OPCML: variants seen among roughly 807,000 people sequenced by gnomAD.
OPCML encodes the protein opioid binding protein/cell adhesion molecule like.
A neutral mutation model predicts 37.8 loss-of-function variants in OPCML; 13 were observed. The observed-to-expected ratio is 0.34, with a 90% CI of 0.22 to 0.55. The LOEUF is 0.55. Ranked by LOEUF, OPCML falls within the 20% of genes least tolerant of loss-of-function variation. The probability of loss-of-function intolerance (pLI) is 0.91; values close to 1 mark genes in which losing one functional copy is unlikely to be tolerated. For missense variants in OPCML, 341 were observed against 435.6 expected (o/e 0.78, Z 1.93); for synonymous variants, 176 against 168.8 (o/e 1.04, Z -0.33).
rs1251119333 is a variant in OPCML, at chr11:133,112,302, AAAAAAAAAG to A, written c.62-169301_62-169293del. ...CTCTTGGCCAAAAAAAAAAAAAAAAAAAAAAAAAGGGGAAAGAAACAAAATATCTCATAT... is the reference window on the plus strand; with the variant it reads ...CTCTTGGCCAAAAAAAAAAAAAAAAAGGGAAAGAAACAAAATATCTCATAT... On this transcript the variant is annotated intron_variant, in intron 1 of 7. Coordinates refer to ENST00000524381, the MANE Select transcript of OPCML (RefSeq NM_001012393.5). 1.2e-3 allele frequency among the ~76,000 whole-genome samples: 173 copies of A among 144,264 alleles called. 1 individual carries two copies. Among genetic ancestry groups the A allele is most frequent in the African/African-American group, 4.1e-3 (151 of 37,198 alleles). 94.6% of individuals were successfully genotyped at this position (144,264 alleles called of 152,430 possible).
At chr11:132,439,928 C>T (rs1353813445) in intron 4 of OPCML, among the ~76,000 whole-genome samples, 2 of 152,164 alleles carry the variant, frequency 1.3e-5, no homozygotes, top group Non-Finnish European at 2.9e-5. Flanking sequence ...CCAGATCATG[C>T]TGCTTGGTGG....
In OPCML at chr11:133,212,434, G is replaced by A. The variant is rs1939401020; in HGVS notation, c.62-269424C>T. Reference sequence around the variant, plus strand: ...TTCGTATGCCCTGCTTCCACTTCCTGGAAAGCTCTTTCCCCATGCCTGGTC... The same window carrying A: ...TTCGTATGCCCTGCTTCCACTTCCTAGAAAGCTCTTTCCCCATGCCTGGTC... On this transcript the variant is annotated intron_variant, in intron 1 of 7. Transcript: ENST00000524381. The surrounding 1 kb of genome is among the most constrained non-coding windows in gnomAD (Gnocchi z 4.9). Among the ~76,000 whole-genome samples, 1 of 151,980 alleles carries A rather than the reference G, an allele frequency of 6.6e-6. No individual in the cohort carries two copies. Among genetic ancestry groups the A allele is most frequent in the African/African-American group, 2.4e-5 (1 of 41,366 alleles).
intron 3 of OPCML, among the ~76,000 whole-genome samples, chr11:132,555,132 T>C (rs574982204): frequency 6.6e-6 from 1 of 152,224 alleles, no homozygotes; most frequent in South Asian, 2.1e-4. Flanking sequence ...AAATCATGTC[T>C]GATAAGTCTG....
intron 4 of OPCML, among the ~76,000 whole-genome samples, chr11:132,496,933 A>G (rs554641388): frequency 6.6e-6 from 1 of 152,306 alleles, no homozygotes; most frequent in East Asian, 1.9e-4. Context: ...ATGAGCAGGT[A>G]CCTTATATGC....
intron 2 of OPCML, among the ~76,000 whole-genome samples, chr11:132,705,553 C>T (rs926071700): frequency 1.3e-5 from 2 of 152,028 alleles, no homozygotes; most frequent in Non-Finnish European, 2.9e-5. Context: ...AGATTTGCCA[C>T]TGCACACCAG....
chr11:133,258,325 A>T (rs183157713), intron 1 of OPCML, among the ~76,000 whole-genome samples: 4 of 152,302 alleles, frequency 2.6e-5, no homozygotes, highest in African/African-American at 4.8e-5. Context: ...TGAACATATT[A>T]TCTTGGTAGG....
intron 1 of OPCML, among the ~76,000 whole-genome samples, chr11:133,165,233 C>T (rs768489240): frequency 2.6e-5 from 4 of 152,264 alleles, no homozygotes; most frequent in East Asian, 1.9e-4. Context: ...TCTCTCCAGT[C>T]GCACTGGGAC....
chr11:133,367,283 C>G (rs1021334029), intron 1 of OPCML, among the ~76,000 whole-genome samples: 25 of 152,292 alleles, frequency 1.6e-4, no homozygotes, highest in African/African-American at 5.8e-4. Flanking sequence ...AGCCGGAATG[C>G]AGGAGTCAGG....
intron 2 of OPCML, among the ~76,000 whole-genome samples, chr11:132,687,006 A>G (rs1440115273): frequency 3.1e-5 from 4 of 129,706 alleles, no homozygotes; most frequent in South Asian, 2.9e-4. Flanking sequence ...GCCCCCTGAG[A>G]TATTTCTAGC....
intron 3 of OPCML, among the ~76,000 whole-genome samples, chr11:132,639,299 G>A (rs151114096): frequency 9.9e-5 from 15 of 152,240 alleles, no homozygotes; most frequent in South Asian, 2.1e-4. Context: ...AGAAAGTTCC[G>A]GCAGCTTGCC....
chr11:132,927,090 G>A (rs1228689285), intron 2 of OPCML, among the ~76,000 whole-genome samples: 1 of 152,028 alleles, frequency 6.6e-6, no homozygotes, highest in East Asian at 1.9e-4. Context: ...TGCATTATGA[G>A]AGTTCCGGGA....
chr11:132,647,577 A>G (rs528251848), intron 3 of OPCML, among the ~76,000 whole-genome samples: 18 of 152,186 alleles, frequency 1.2e-4, no homozygotes, highest in Non-Finnish European at 2.6e-4. Context: ...AGAAAATGAG[A>G]CTAAGTAAAT....
At chr11:132,732,471 C>G (rs1945946) in intron 2 of OPCML, among the ~76,000 whole-genome samples, 102,254 of 152,018 alleles carry the variant, frequency 0.67, 34,922 homozygotes, top group African/African-American at 0.76. Context: ...GTTCCTGCTT[C>G]AGATATTTCC....
chr11:133,446,921 T>C (rs1946485587), intron 1 of OPCML, among the ~76,000 whole-genome samples: 1 of 152,230 alleles, frequency 6.6e-6, no homozygotes, highest in Admixed American at 6.5e-5. Flanking sequence ...TACATTTTCT[T>C]TATTCATTCA....
chr11:133,501,529 G>A (rs909560012), intron 1 of OPCML, among the ~76,000 whole-genome samples: 3 of 152,144 alleles, frequency 2.0e-5, no homozygotes, highest in Non-Finnish European at 4.4e-5. Flanking sequence ...TTTGTTATAT[G>A]AGAAAAAGAA....
chr11:132,665,430 A>G (rs1942176425), intron 2 of OPCML, among the ~76,000 whole-genome samples: 1 of 152,210 alleles, frequency 6.6e-6, no homozygotes, highest in Middle Eastern at 3.2e-3. Flanking sequence ...AAGTGAGGCA[A>G]CTGTGCTGAC....
In OPCML at chr11:132,580,059, C is replaced by T. The variant is rs74662608; in HGVS notation, c.380-50873G>A. 5.8e-3 allele frequency among the ~76,000 whole-genome samples: 880 copies of T among 152,264 alleles called. 11 individuals are homozygous for T. The highest frequency in any genetic ancestry group is 0.02 in the African/African-American group (817 of 41,554). ...TCTCCTAACCCTGGCTCTTAGCAAC[C>T]TTGGCATCTTTGCAGCCTGAGAGAA... On this transcript the variant is annotated intron_variant, in intron 3 of 7. Transcript: ENST00000524381.
intron 3 of OPCML, among the ~76,000 whole-genome samples, chr11:132,636,984 G>A (rs1257999464): frequency 6.6e-6 from 1 of 152,112 alleles, no homozygotes; most frequent in African/African-American, 2.4e-5. Context: ...TTGTTGGCGA[G>A]ACTGTTTGAA....
chr11:132,636,676 C>T (rs1940521074), intron 3 of OPCML, among the ~76,000 whole-genome samples: 1 of 152,146 alleles, frequency 6.6e-6, no homozygotes, highest in South Asian at 2.1e-4. Context: ...ATTTTCTTGA[C>T]ACTTCATTCA....
Sources: gnomAD v4.1 joint callset for allele counts (sites outside exome capture counted in the v4.1 genomes callset) on GRCh38, gnomAD v4.1.1 for gene constraint, Gnocchi (gnomAD v3.1) non-coding constraint, MANE v1.5 for transcripts, NCBI Gene and HGNC (gene_info 2026-07-23, HGNC 2026-07-21) for gene names.